Variants in RAPGEF2 observed in about 807,000 individuals in gnomAD.
RAPGEF2 encodes Rap guanine nucleotide exchange factor 2, also known as PDZ domain containing guanine nucleotide exchange factor (GEF) 1.
A neutral mutation model predicts 186.7 loss-of-function variants in RAPGEF2; 54 were observed. That is an observed-to-expected ratio of 0.29 (90% CI 0.23 to 0.36). The LOEUF (loss-of-function observed/expected upper bound fraction) is 0.36. RAPGEF2 is among the 10% of genes least tolerant of loss of function. The probability of loss-of-function intolerance (pLI) is 1.00; values close to 1 mark genes in which losing one functional copy is unlikely to be tolerated. For missense variants in RAPGEF2, 1,532 were observed against 2,045.0 expected (o/e 0.75, Z 4.84); for synonymous variants, 712 against 705.9 (o/e 1.01, Z -0.14).
intron 11 of RAPGEF2, among the ~76,000 whole-genome samples, chr4:159,326,246 A>T (rs1000727635): frequency 3.9e-5 from 6 of 152,190 alleles, no homozygotes; most frequent in African/African-American, 1.4e-4. Context: ...AGAAAATACA[A>T]ATGTTAGCTC....
chr4:159,233,332 A>G (rs1364536300), intron 4 of RAPGEF2, among the ~76,000 whole-genome samples: 1 of 152,066 alleles, frequency 6.6e-6, no homozygotes, highest in East Asian at 1.9e-4. Context: ...ATTTTTGTGT[A>G]TCTTGTGCGG....
intron 1 of RAPGEF2, among the ~76,000 whole-genome samples, chr4:159,181,609 C>T (rs1474003509): frequency 2.9e-5 from 4 of 136,540 alleles, no homozygotes; most frequent in Admixed American, 7.8e-5. Context: ...GATGGGGTCT[C>T]GCTCTGTTGC....
intron 2 of RAPGEF2, 83 bp from the exon 3 acceptor site, chr4:159,193,117 C>A: frequency 3.1e-6 from 2 of 649,446 alleles, no homozygotes; most frequent in Non-Finnish European, 2.3e-6. Flanking sequence ...ATTTTCTAGA[C>A]TGTATGTGTC....
chr4:159,347,010 C>G lies in RAPGEF2; in HGVS notation c.3712+12C>G. 1 of 1,600,306 alleles carries G rather than the reference C, an allele frequency of 6.2e-7. No individual in the cohort carries two copies. ...TCTCCCACCTTTTGGTAAGTGATTA[C>G]ATTCATTTCTTTTTTTGGTGCCATT... On this transcript the variant is annotated intron_variant, in intron 25 of 29. Transcript: ENST00000691494.
chr4:159,335,233 A>T (rs1554039406), intron 17 of RAPGEF2, among the ~76,000 whole-genome samples: 1 of 152,202 alleles, frequency 6.6e-6, no homozygotes, highest in Non-Finnish European at 1.5e-5. Context: ...AAGATGGGGC[A>T]TGAGCTCCCA....
At chr4:159,132,802 T>C (rs974755190) in intron 1 of RAPGEF2, among the ~76,000 whole-genome samples, 4 of 152,010 alleles carry the variant, frequency 2.6e-5, no homozygotes, top group Admixed American at 1.3e-4. Flanking sequence ...GATAATGTTT[T>C]TTCTTTCTGG....
chr4:159,297,931 G>T (rs1256435399), intron 7 of RAPGEF2, among the ~76,000 whole-genome samples: 1 of 152,154 alleles, frequency 6.6e-6, no homozygotes, highest in Non-Finnish European at 1.5e-5. Context: ...ACTTGCCCAG[G>T]TTCACTTGAC....
chr4:159,332,063 C>T, intron 16 of RAPGEF2, 29 bp downstream of exon 16: 2 of 1,431,654 alleles, frequency 1.4e-6, no homozygotes, highest in Non-Finnish European at 1.9e-6. Context: ...TTTCATTTTT[C>T]TCCTTTTGGC....
Position 159,352,428 on chromosome 4 carries a change from G to A in RAPGEF2, c.3866-257G>A, listed in dbSNP as rs981612389. ...GTAAGGGAGCTAAGAATAGTTGAGT[G>A]GTGCCTTTTCTGCATCTTTTCCTAG... On this transcript the variant is annotated intron_variant, in intron 26 of 29. Transcript: ENST00000691494. 7.9e-5 allele frequency: 32 copies of A among 404,066 alleles called. No homozygotes were observed. The East Asian group carries it at 1.2e-3, about 15-fold the overall frequency. 25.0% of individuals were successfully genotyped at this position (404,066 alleles called of 1,614,324 possible).
At chr4:159,285,512 C>A (rs956288369) in intron 7 of RAPGEF2, among the ~76,000 whole-genome samples, 7 of 152,158 alleles carry the variant, frequency 4.6e-5, no homozygotes, top group African/African-American at 1.7e-4. Context: ...TTCACTTGAA[C>A]TTTTATTAGG....
chr4:159,114,452 G>T (rs1470651761), intron 1 of RAPGEF2, among the ~76,000 whole-genome samples: 1 of 151,892 alleles, frequency 6.6e-6, no homozygotes, highest in East Asian at 1.9e-4. Flanking sequence ...GCCCAGGCTG[G>T]TCTTGAACTC....
chr4:159,302,712 T>C (rs1762818460), intron 7 of RAPGEF2, among the ~76,000 whole-genome samples: 1 of 152,150 alleles, frequency 6.6e-6, no homozygotes, highest in African/African-American at 2.4e-5. Flanking sequence ...AATTTAGAGG[T>C]ATTTGCCTAT....
intron 7 of RAPGEF2, among the ~76,000 whole-genome samples, chr4:159,246,552 A>G (rs1407055255): frequency 6.6e-6 from 1 of 152,176 alleles, no homozygotes; most frequent in Non-Finnish European, 1.5e-5. Context: ...CTCCTGAGAT[A>G]GAGTTAAGTT....
chr4:159,206,800 G>T (rs572060182), intron 3 of RAPGEF2, among the ~76,000 whole-genome samples: 1 of 152,320 alleles, frequency 6.6e-6, no homozygotes, highest in African/African-American at 2.4e-5. Context: ...TGACACCTCA[G>T]CAAGGAATTT....
intron 1 of RAPGEF2, among the ~76,000 whole-genome samples, chr4:159,143,165 G>A (rs1237532173): frequency 6.6e-6 from 1 of 151,926 alleles, no homozygotes; most frequent in Non-Finnish European, 1.5e-5. Context: ...AGGAGTTCCA[G>A]GCTGTATCAT....
At chr4:159,345,970 A>G (rs891116649) in intron 24 of RAPGEF2, among the ~76,000 whole-genome samples, 4 of 151,890 alleles carry the variant, frequency 2.6e-5, no homozygotes, top group Non-Finnish European at 5.9e-5. Context: ...TTTAATTTAG[A>G]TAGGTGATTT....
intron 7 of RAPGEF2, among the ~76,000 whole-genome samples, chr4:159,250,307 T>A (rs114677889): frequency 6.6e-6 from 1 of 152,182 alleles, no homozygotes; most frequent in East Asian, 1.9e-4. Flanking sequence ...TGTACCCCAA[T>A]AACTTATGGA....
At chr4:159,142,063 A>C (rs772664709) in intron 1 of RAPGEF2, among the ~76,000 whole-genome samples, 2 of 152,198 alleles carry the variant, frequency 1.3e-5, no homozygotes, top group Non-Finnish European at 2.9e-5. Flanking sequence ...CGTTGTGTAC[A>C]TCTAAGATTG....
chr4:159,109,476 C>A (rs1339888297), intron 1 of RAPGEF2, among the ~76,000 whole-genome samples: 1 of 152,164 alleles, frequency 6.6e-6, no homozygotes, highest in Non-Finnish European at 1.5e-5. Context: ...TGGATAATAG[C>A]TGTCTGAGGT....
Sources: gnomAD v4.1 joint callset for allele counts (sites outside exome capture counted in the v4.1 genomes callset) on GRCh38, gnomAD v4.1.1 for gene constraint, MANE v1.5 for transcripts, NCBI Gene and HGNC (gene_info 2026-07-23, HGNC 2026-07-21) for gene names.